ALK: variants seen among roughly 807,000 people sequenced by gnomAD.
ALK encodes ALK receptor tyrosine kinase.
ALK carries 74 observed loss-of-function variants against 163.1 expected under a neutral mutation model. The ratio of observed to expected loss-of-function variants is 0.45; its 90% CI spans 0.38 to 0.55. The LOEUF (loss-of-function observed/expected upper bound fraction) is 0.55. ALK is among the 20% of genes least tolerant of loss of function. The pLI is 0.00. For missense variants in ALK, 2,063 were observed against 2,105.3 expected, an observed-to-expected ratio of 0.98 and a Z score of 0.39; for synonymous variants, 960 against 843.2, an observed-to-expected ratio of 1.14 and a Z score of -2.40.
At chr2:29,353,723 TA>T (rs76463638) in intron 5 of ALK, among the ~76,000 whole-genome samples, 4,354 of 139,190 alleles carry the variant, frequency 0.031, 164 homozygotes, top group African/African-American at 0.095. Context: ...AGTGAGGATC[TA>T]AAAAAAAAAA....
chr2:29,719,649 A>G (rs1454369324), intron 1 of ALK, among the ~76,000 whole-genome samples: 4 of 152,210 alleles, frequency 2.6e-5, no homozygotes, highest in Non-Finnish European at 5.9e-5. Flanking sequence ...AGCTGAGGAA[A>G]TTGAGGCATA....
At chr2:29,230,143 A>G (rs1391271082) in intron 15 of ALK, among the ~76,000 whole-genome samples, 1 of 152,196 alleles carries the variant, frequency 6.6e-6, no homozygotes, top group African/African-American at 2.4e-5. Flanking sequence ...GTCCCTTTAT[A>G]TAAAGTGGCA....
Position 29,564,028 on chromosome 2 carries a change from T to C in ALK, c.953-31912A>G, listed in dbSNP as rs181985899. Among the ~76,000 whole-genome samples, 299 of 152,214 alleles carry C rather than the reference T, an allele frequency of 2.0e-3. 2 individuals are homozygous for C. The highest frequency in any genetic ancestry group is 6.5e-3 in the African/African-American group (270 of 41,542). ...AGCTTGAGATTTATGCCCTTTAAGG[T>C]GGTTCTTTAGGACATTAGCCCACCA... is the stretch of plus-strand genomic sequence containing the variant. On this transcript the variant is annotated intron_variant, in intron 3 of 28. Transcript: ENST00000389048.
At chr2:29,806,210 G>A (rs1287359421) in intron 1 of ALK, among the ~76,000 whole-genome samples, 1 of 152,210 alleles carries the variant, frequency 6.6e-6, no homozygotes, top group Non-Finnish European at 1.5e-5. Context: ...GTCAGAGAGA[G>A]TTGAATGCAA....
At chr2:29,525,999 G>A (rs1172808338) in intron 4 of ALK, among the ~76,000 whole-genome samples, 2 of 152,086 alleles carry the variant, frequency 1.3e-5, no homozygotes, top group Admixed American at 1.3e-4. Flanking sequence ...TATACTCAAT[G>A]GGACTGGTAC....
At chr2:29,750,938 C>T (rs559405393) in intron 1 of ALK, among the ~76,000 whole-genome samples, 6 of 152,046 alleles carry the variant, frequency 3.9e-5, no homozygotes, top group Admixed American at 2.6e-4. Flanking sequence ...GGCATGGTGG[C>T]CTGCGCCAGT....
intron 3 of ALK, among the ~76,000 whole-genome samples, chr2:29,629,688 C>G (rs1190986369): frequency 6.6e-6 from 1 of 152,148 alleles, no homozygotes; most frequent in Non-Finnish European, 1.5e-5. Context: ...TAATGTTACT[C>G]AGTAATGAGT....
In ALK at chr2:29,340,796, G is replaced by A. The variant is rs1425002552; in HGVS notation, c.1283-12315C>T. On this transcript the variant is annotated intron_variant, in intron 5 of 28. Transcript: ENST00000389048. Reference sequence around the variant, plus strand: ...TCCACACCTCCATCTTTACTGAAACGTTACCTTCTCAGCAAGGCCTTCCCT... The same window carrying A: ...TCCACACCTCCATCTTTACTGAAACATTACCTTCTCAGCAAGGCCTTCCCT... 2.0e-5 allele frequency among the ~76,000 whole-genome samples: 3 copies of A among 152,244 alleles called. No individual in the cohort carries two copies. The East Asian group carries it at 5.8e-4, about 29-fold the overall frequency.
chr2:29,834,867 A>G (rs1334453642), intron 1 of ALK, among the ~76,000 whole-genome samples: 1 of 152,214 alleles, frequency 6.6e-6, no homozygotes, highest in Non-Finnish European at 1.5e-5. Context: ...AATTGCAGCA[A>G]AAGAATCACA....
intron 4 of ALK, among the ~76,000 whole-genome samples, chr2:29,396,017 C>G (rs1415060691): frequency 8.3e-6 from 1 of 121,078 alleles, no homozygotes; most frequent in Admixed American, 8.7e-5. Context: ...TCTCGTTAAC[C>G]TGTTTTTTGT....
At chr2:29,528,325 G>A (rs543309145) in intron 4 of ALK, among the ~76,000 whole-genome samples, 32 of 152,262 alleles carry the variant, frequency 2.1e-4, no homozygotes, top group Admixed American at 1.6e-3. Flanking sequence ...TCAAGCTTGC[G>A]TTCTTGCATC....
chr2:29,283,782 C>T (rs565467696), intron 9 of ALK, among the ~76,000 whole-genome samples: 10 of 152,170 alleles, frequency 6.6e-5, no homozygotes, highest in African/African-American at 2.2e-4. Flanking sequence ...TAATTTATTG[C>T]TCCTGTTTTA....
intron 4 of ALK, among the ~76,000 whole-genome samples, chr2:29,396,739 G>A (rs987045643): frequency 2.0e-5 from 3 of 151,428 alleles, no homozygotes; most frequent in African/African-American, 4.9e-5. Context: ...CAATGGCCTC[G>A]GGACCTGCCT....
intron 4 of ALK, among the ~76,000 whole-genome samples, chr2:29,439,684 TAAAAA>T (rs59027264): frequency 6.9e-6 from 1 of 144,858 alleles, no homozygotes. Flanking sequence ...GTGTTCTTGT[TAAAAA>T]AAAAAAAAAA....
intron 1 of ALK, among the ~76,000 whole-genome samples, chr2:29,894,878 C>T (rs539267809): frequency 9.3e-5 from 14 of 150,752 alleles, no homozygotes; most frequent in Non-Finnish European, 1.5e-4. Context: ...ACACACACAC[C>T]CCGACATACT....
intron 1 of ALK, among the ~76,000 whole-genome samples, chr2:29,818,972 ACC>A (rs1032087427): frequency 5.3e-5 from 8 of 152,114 alleles, no homozygotes; most frequent in African/African-American, 1.7e-4. Flanking sequence ...CCTCCACTTT[ACC>A]ACCATACCTG....
intron 3 of ALK, among the ~76,000 whole-genome samples, chr2:29,660,369 A>G (rs139161366): frequency 6.7e-4 from 102 of 152,330 alleles, no homozygotes; most frequent in Non-Finnish European, 1.3e-3. Context: ...GGAAACAAGA[A>G]GAGTTGCCAA....
chr2:29,636,999 T>C (rs950302822), intron 3 of ALK, among the ~76,000 whole-genome samples: 6 of 152,280 alleles, frequency 3.9e-5, no homozygotes, highest in Non-Finnish European at 1.5e-5. Context: ...GAGAGTAACA[T>C]GGTACAGCCA....
chr2:29,732,219 T>C (rs1454251376), intron 1 of ALK, among the ~76,000 whole-genome samples: 1 of 152,252 alleles, frequency 6.6e-6, no homozygotes, highest in East Asian at 1.9e-4. Context: ...GACAATTTAT[T>C]ACATATCATG....
Sources: allele counts gnomAD v4.1 joint callset (sites outside exome capture counted in the v4.1 genomes callset), GRCh38; gene constraint gnomAD v4.1.1; transcripts MANE v1.5; gene names NCBI Gene and HGNC (gene_info 2026-07-23, HGNC 2026-07-21).